The following NIM1K variants were observed in gnomAD, a reference collection of about 807,000 sequenced individuals.
NIM1K encodes the protein serine/threonine-protein kinase NIM1.
Under a neutral mutation model 37.1 loss-of-function variants are expected in NIM1K, and 35 were observed. The ratio of observed to expected loss-of-function variants is 0.94; its 90% CI spans 0.72 to 1.25. The LOEUF (loss-of-function observed/expected upper bound fraction) is 1.25, where lower values mean the gene tolerates loss of function less well. Among genes scored for constraint, NIM1K ranks in the 50% most tolerant of loss-of-function variants. The pLI is 0.00. For synonymous variants in NIM1K, 234 were observed against 206.6 expected (o/e 1.13, Z -1.14); for missense variants, 564 against 548.0 (o/e 1.03, Z -0.29).
chr5:43,245,684 G>C lies in NIM1K; in HGVS notation c.-92G>C. 1 of 1,258,912 alleles carries C rather than the reference G, an allele frequency of 7.9e-7. No individual in the cohort carries two copies. Among genetic ancestry groups the C allele is most frequent in the Non-Finnish European group, 1.1e-6 (1 of 910,128 alleles). The allele number at this position is 1,258,912 out of a possible 1,614,324, so 78.0% of individuals were successfully genotyped here. On this transcript the variant is annotated 5_prime_UTR_variant, in exon 2 of 4. Coordinates refer to ENST00000326035, the MANE Select transcript of NIM1K (RefSeq NM_153361.4). ...CTCTTTTGAACCCTGGGCACCTGCT[G>C]TCCTCAGTTGGCATCTCCCACCCTC...
At chr5:43,229,931 C>A (rs959843221) in intron 1 of NIM1K, among the ~76,000 whole-genome samples, 4 of 151,234 alleles carry the variant, frequency 2.6e-5, no homozygotes, top group Non-Finnish European at 4.4e-5. Flanking sequence ...CAAGCCCAGC[C>A]TAATTTTAGC....
chr5:43,225,067 A>C (rs1200840203), intron 1 of NIM1K, among the ~76,000 whole-genome samples: 1 of 152,116 alleles, frequency 6.6e-6, no homozygotes, highest in Non-Finnish European at 1.5e-5. Context: ...AGGAATTCTC[A>C]TTCATTTACA....
chr5:43,260,805 C>G (rs140439196), intron 2 of NIM1K, among the ~76,000 whole-genome samples: 1 of 152,136 alleles, frequency 6.6e-6, no homozygotes, highest in Non-Finnish European at 1.5e-5. Flanking sequence ...GTTCCCCACC[C>G]TGTGTCCAGG....
At chr5:43,243,635 T>G (rs1752736230) in intron 1 of NIM1K, among the ~76,000 whole-genome samples, 2 of 152,150 alleles carry the variant, frequency 1.3e-5, no homozygotes, top group Non-Finnish European at 2.9e-5. Flanking sequence ...ACTTAGATTT[T>G]CTTCACTCTA....
chr5:43,238,966 G>A (rs1752658823), intron 1 of NIM1K, among the ~76,000 whole-genome samples: 1 of 107,784 alleles, frequency 9.3e-6, no homozygotes, highest in Non-Finnish European at 1.8e-5. Context: ...GCGGGGGCGG[G>A]GGGTGGGGTC....
intron 2 of NIM1K, among the ~76,000 whole-genome samples, chr5:43,267,719 C>T (rs1471381169): frequency 6.6e-6 from 1 of 152,132 alleles, no homozygotes; most frequent in African/African-American, 2.4e-5. Flanking sequence ...AAAATTTATA[C>T]AGGAGCAGAT....
chr5:43,270,873 C>T (rs1753245359), intron 2 of NIM1K, among the ~76,000 whole-genome samples: 1 of 152,202 alleles, frequency 6.6e-6, no homozygotes. Flanking sequence ...CTCCCAGTTG[C>T]TCAACTGAGA....
chr5:43,277,807 T>TGAGA (rs1349249532), intron 3 of NIM1K, among the ~76,000 whole-genome samples: 2 of 149,306 alleles, frequency 1.3e-5, no homozygotes, highest in African/African-American at 5.0e-5. Context: ...TGTGTGTGTG[T>TGAGA]GTGTGTGTGA....
chr5:43,280,455 A>G lies in NIM1K; in HGVS notation c.1037A>G (p.Glu346Gly). The G allele has an allele frequency of 6.2e-7, 1 of 1,614,222 alleles. No individual in the cohort carries two copies. Among genetic ancestry groups the G allele is most frequent in the Non-Finnish European group, 8.5e-7 (1 of 1,180,040 alleles). The change falls in exon 4 of 4, where the codon GAA (glutamate) becomes GGA (glycine). Residue 346 changes from glutamate (E) to glycine (G), a missense_variant. Glu to Gly is a moderately conservative substitution (Grantham distance 98, BLOSUM62 -2). Coordinates refer to ENST00000326035, the MANE Select transcript of NIM1K (RefSeq NM_153361.4). ...CAACTGGATCCCAAACATTTGTCGGAAACCAGCACTCTCAAGGAAGAAGAA... is the reference window on the plus strand; with the variant it reads ...CAACTGGATCCCAAACATTTGTCGGGAACCAGCACTCTCAAGGAAGAAGAA... ...PFQLDPKHLS[E>G]TSTLKEEENE...
At chr5:43,203,268 C>T (rs1752060277) in intron 1 of NIM1K, among the ~76,000 whole-genome samples, 2 of 152,190 alleles carry the variant, frequency 1.3e-5, no homozygotes, top group African/African-American at 4.8e-5. Context: ...CAAGTTCAGC[C>T]TAAAGCTGCC....
intron 1 of NIM1K, among the ~76,000 whole-genome samples, chr5:43,230,642 A>AT (rs1480234082): frequency 6.6e-6 from 1 of 152,174 alleles, no homozygotes; most frequent in Admixed American, 6.5e-5. Flanking sequence ...CAATCACAAT[A>AT]TTTGGGGGGC....
intron 2 of NIM1K, among the ~76,000 whole-genome samples, chr5:43,259,863 G>A (rs1753001991): frequency 6.6e-6 from 1 of 151,948 alleles, no homozygotes; most frequent in Admixed American, 6.6e-5. Context: ...CTTTATCTAA[G>A]TCAATGTCCA....
At chr5:43,277,361 T>C (rs562734046) in intron 3 of NIM1K, 36 bp downstream of exon 3, 1 of 1,594,168 alleles carries the variant, frequency 6.3e-7, no homozygotes, top group African/African-American at 1.3e-5. Context: ...CTTGCTCCCA[T>C]TGCACTGACA....
chr5:43,264,648 T>C (rs999294443), intron 2 of NIM1K, among the ~76,000 whole-genome samples: 3 of 152,218 alleles, frequency 2.0e-5, no homozygotes, highest in Admixed American at 2.0e-4. Flanking sequence ...TTGTGTGAAT[T>C]TGATCCTGTC....
At chr5:43,249,358 G>A (rs984732213) in intron 2 of NIM1K, among the ~76,000 whole-genome samples, 7 of 152,124 alleles carry the variant, frequency 4.6e-5, no homozygotes, top group African/African-American at 1.7e-4. Context: ...CTGAGCCACC[G>A]TGCCCGGCCC....
At chr5:43,199,539 A>G (rs1751987915) in intron 1 of NIM1K, among the ~76,000 whole-genome samples, 1 of 152,088 alleles carries the variant, frequency 6.6e-6, no homozygotes, top group Non-Finnish European at 1.5e-5. Flanking sequence ...CTAGGTGGCT[A>G]CTACTCCTCT....
chr5:43,244,698 T>G (rs1443372244), intron 1 of NIM1K, among the ~76,000 whole-genome samples: 3 of 152,184 alleles, frequency 2.0e-5, no homozygotes, highest in Non-Finnish European at 2.9e-5. Flanking sequence ...GATAAAATAT[T>G]ATTATTTGAA....
intron 1 of NIM1K, among the ~76,000 whole-genome samples, chr5:43,198,181 TTCTTTCTTTCTTTCTTTCTTTCTTTC>T (rs1561069814): frequency 1.3e-3 from 79 of 59,818 alleles, no homozygotes; most frequent in South Asian, 8.1e-3. Context: ...CTTTCTTTCT[TTCTTTCTTTCTTTCTTTCTTTCTTTC>T]TCTTTCTTTC....
intron 1 of NIM1K, among the ~76,000 whole-genome samples, chr5:43,221,447 C>CAAAAAAAAAAA (rs55658060): frequency 8.1e-6 from 1 of 124,110 alleles, no homozygotes; most frequent in Admixed American, 8.8e-5. Context: ...GAGACTGTCT[C>CAAAAAAAAAAA]AAAAAAAAAA....
Sources: allele counts gnomAD v4.1 joint callset (sites outside exome capture counted in the v4.1 genomes callset), GRCh38; gene constraint gnomAD v4.1.1; transcripts MANE v1.5; gene names NCBI Gene and HGNC (gene_info 2026-07-23, HGNC 2026-07-21).